SMIM1: variants seen among roughly 807,000 people sequenced by gnomAD.
SMIM1 encodes the protein small integral membrane protein 1 (Vel blood group), also known as small integral membrane protein 1.
SMIM1 carries 7 observed loss-of-function variants against 7.7 expected under a neutral mutation model. The ratio of observed to expected loss-of-function variants is 0.91; its 90% CI spans 0.52 to 1.71. The LOEUF (loss-of-function observed/expected upper bound fraction) is 1.71. Among genes scored for constraint, SMIM1 ranks in the 40% most tolerant of loss-of-function variants. The probability of loss-of-function intolerance (pLI) is 0.00; values close to 1 mark genes in which losing one functional copy is unlikely to be tolerated. For missense variants in SMIM1, 95 were observed against 102.8 expected, an observed-to-expected ratio of 0.92 and a Z score of 0.33; for synonymous variants, 41 against 42.7, an observed-to-expected ratio of 0.96 and a Z score of 0.16.
chr1:3,774,407 T>C (rs1570729405), intron 2 of SMIM1, among the ~76,000 whole-genome samples: 1 of 151,502 alleles, frequency 6.6e-6, no homozygotes, highest in African/African-American at 2.4e-5. Flanking sequence ...GTAAAGGAGG[T>C]GCTTAGAGTC....
rs1473326895 is a variant in SMIM1, at chr1:3,775,380, C to T, written c.7C>T (p.Pro3Ser). 1 of 1,549,688 alleles carries T rather than the reference C, an allele frequency of 6.5e-7. No homozygotes were observed. Among genetic ancestry groups the T allele is most frequent in the Admixed American group, 2.0e-5 (1 of 50,938 alleles). MQ[P>S]QESHVHYSRW... ...CCCGCTGCAGCCCCACAGCATGCAG[C>T]CCCAGGAGAGCCACGTCCACTATAG... The change falls in exon 3 of 4, where the codon CCC (proline) becomes TCC (serine). Residue 3 changes from proline (P) to serine (S), a missense_variant. Pro to Ser is a moderately conservative substitution (Grantham distance 74, BLOSUM62 -1). Coordinates refer to ENST00000642557, the MANE Select transcript of SMIM1 (RefSeq NM_001288583.2). The surrounding 1 kb of genome is among the most constrained non-coding windows in gnomAD (Gnocchi z 5.3).
At position 3,775,599 on chromosome 1, in the gene SMIM1, C is replaced by T. The variant is rs941270214; in HGVS notation, c.110+116C>T. 46 of 1,276,060 alleles carry T rather than the reference C, an allele frequency of 3.6e-5. No homozygotes were observed. Among genetic ancestry groups the T allele is most frequent in the Admixed American group, 1.8e-4 (7 of 39,602 alleles). The allele number at this position is 1,276,060 out of a possible 1,614,324, so 79.0% of individuals were successfully genotyped here. ...CCCTCCACCCCATCCTGGCTGGGAG[C>T]CCACGGTCCAGCAGCTCAGCAAACC... On this transcript the variant is annotated intron_variant, in intron 3 of 3. Coordinates refer to ENST00000642557, the MANE Select transcript of SMIM1 (RefSeq NM_001288583.2). The surrounding 1 kb of genome is among the most constrained non-coding windows in gnomAD (Gnocchi z 5.3).
rs539609932 is a variant in SMIM1 at position 3,774,837 on chromosome 1, C to T, written c.-75-462C>T. ...CAGACAGGGACCGGTCTAGCTGTACCAGCCGCTGCCCCGGACCTGCTGCCC... is the reference window on the plus strand; with the variant it reads ...CAGACAGGGACCGGTCTAGCTGTACTAGCCGCTGCCCCGGACCTGCTGCCC... On this transcript the variant is annotated intron_variant, in intron 2 of 3. Transcript: ENST00000642557. Among the ~76,000 whole-genome samples the T allele has an allele frequency of 4.7e-3, 718 of 151,834 alleles. 6 individuals carry two copies. Among genetic ancestry groups the T allele is most frequent in the African/African-American group, 0.016 (663 of 41,384 alleles).
chr1:3,774,048 G>C (rs1041472478), intron 2 of SMIM1, among the ~76,000 whole-genome samples: 1 of 150,946 alleles, frequency 6.6e-6, no homozygotes, highest in Non-Finnish European at 1.5e-5. Flanking sequence ...GGAAGTGCCG[G>C]GAGTCTCAGA....
Position 3,775,581 on chromosome 1 carries a change from C to A in SMIM1, c.110+98C>A. 7.7e-7 allele frequency: 1 copy of A among 1,299,120 alleles called. No homozygotes were observed. The highest frequency in any genetic ancestry group is 2.5e-5 in the East Asian group (1 of 39,392). The allele number at this position is 1,299,120 out of a possible 1,614,324, so 80.5% of individuals were successfully genotyped here. A position where few individuals can be genotyped will look rare whatever the true frequency, so the allele number is the denominator to read the frequency against. ...CTGCTACCGGCCCCATCACCCTCCACCCCATCCTGGCTGGGAGCCCACGGT... is the reference window on the plus strand; with the variant it reads ...CTGCTACCGGCCCCATCACCCTCCAACCCATCCTGGCTGGGAGCCCACGGT... On this transcript the variant is annotated intron_variant, in intron 3 of 3. Transcript: ENST00000642557. This position sits in a 1 kb window ranked among gnomAD's most constrained non-coding sequence, Gnocchi z 5.3.
intron 2 of SMIM1, among the ~76,000 whole-genome samples, 153 bp downstream of exon 2, chr1:3,773,334 C>G (rs531378479): frequency 2.0e-5 from 3 of 152,236 alleles, no homozygotes; most frequent in African/African-American, 4.8e-5. Context: ...GGGTTCCTGC[C>G]GCCACACCTG....
In SMIM1 at chr1:3,775,271, T is replaced by A; in HGVS notation, c.-75-28T>A. On this transcript the variant is annotated intron_variant, in intron 2 of 3. Coordinates refer to ENST00000642557, the MANE Select transcript of SMIM1 (RefSeq NM_001288583.2). This position sits in a 1 kb window ranked among gnomAD's most constrained non-coding sequence, Gnocchi z 5.3. ...CAGCAGCCTCAGAGGGGGTCTTGAC[T>A]GCCGCCCTCCATCCGCTTGTTTTAC... 1 of 827,772 alleles carries A rather than the reference T, an allele frequency of 1.2e-6. No individual in the cohort carries two copies. The highest frequency in any genetic ancestry group is 1.7e-5 in the South Asian group (1 of 57,718). 51.3% of individuals were successfully genotyped at this position (827,772 alleles called of 1,614,324 possible).
Position 3,775,587 on chromosome 1 carries a change from C to T in SMIM1, c.110+104C>T, listed in dbSNP as rs2124604822. On this transcript the variant is annotated intron_variant, in intron 3 of 3. Transcript: ENST00000642557. The surrounding 1 kb of genome is among the most constrained non-coding windows in gnomAD (Gnocchi z 5.3). Reference sequence around the variant, plus strand: ...CCGGCCCCATCACCCTCCACCCCATCCTGGCTGGGAGCCCACGGTCCAGCA... The same window carrying T: ...CCGGCCCCATCACCCTCCACCCCATTCTGGCTGGGAGCCCACGGTCCAGCA... 6.2e-6 allele frequency: 8 copies of T among 1,294,908 alleles called. No homozygotes were observed. Among genetic ancestry groups the T allele is most frequent in the Non-Finnish European group, 8.4e-6 (8 of 952,108 alleles). 80.2% of individuals were successfully genotyped at this position (1,294,908 alleles called of 1,614,324 possible).
At chr1:3,774,587 C>A (rs921477257) in intron 2 of SMIM1, among the ~76,000 whole-genome samples, 3 of 152,308 alleles carry the variant, frequency 2.0e-5, no homozygotes, top group Admixed American at 2.0e-4. Flanking sequence ...AGGGAGCTGG[C>A]CTTGGGGCCG....
Position 3,775,323 on chromosome 1 carries a change from C to G in SMIM1, c.-51C>G. 2 of 1,435,340 alleles carry G rather than the reference C, an allele frequency of 1.4e-6. No homozygotes were observed. Among genetic ancestry groups the G allele is most frequent in the Non-Finnish European group, 1.9e-6 (2 of 1,057,110 alleles). The allele number at this position is 1,435,340 out of a possible 1,614,324, so 88.9% of individuals were successfully genotyped here. A position where few individuals can be genotyped will look rare whatever the true frequency, so the allele number is the denominator to read the frequency against. ...GTGAAGCCACAGCCTGGCCACCTGTCTTGATCTCCCCACCGAGAAGGCCCC... is the reference window on the plus strand; with the variant it reads ...GTGAAGCCACAGCCTGGCCACCTGTGTTGATCTCCCCACCGAGAAGGCCCC... On this transcript the variant is annotated 5_prime_UTR_variant, in exon 3 of 4. Transcript: ENST00000642557. The surrounding 1 kb of genome is among the most constrained non-coding windows in gnomAD (Gnocchi z 5.3).
At position 3,775,474 on chromosome 1, in the gene SMIM1, G is replaced by A. The variant is rs1016639930; in HGVS notation, c.101G>A (p.Arg34His). The A allele has an allele frequency of 9.0e-6, 14 of 1,549,470 alleles. No individual in the cohort carries two copies. Among genetic ancestry groups the A allele is most frequent in the Middle Eastern group, 1.7e-4 (1 of 5,880 alleles). Residue 34 changes from arginine (R) to histidine (H), a missense_variant, in exon 3 of 4, where the codon CGC (arginine) becomes CAC (histidine). Transcript: ENST00000642557. The surrounding 1 kb of genome is among the most constrained non-coding windows in gnomAD (Gnocchi z 5.3). Reference protein sequence around the residue: ...GAVSSTEEASRCRRISQRLCT... With the variant: ...GAVSSTEEASHCRRISQRLCT... ...GTGTCCAGCACAGAAGAGGCCTCAC[G>A]CTGCCGCAGGTGAGGGGCCTGAGGG... is the stretch of plus-strand genomic sequence containing the variant.
rs1643447670 is a variant in SMIM1, at chr1:3,775,699, C to G, written c.111-96C>G. The G allele has an allele frequency of 2.7e-6, 4 of 1,463,872 alleles. No homozygotes were observed. In the South Asian group the frequency reaches 5.5e-5, roughly 20 times the overall value. 90.7% of individuals were successfully genotyped at this position (1,463,872 alleles called of 1,614,324 possible). A position where few individuals can be genotyped will look rare whatever the true frequency, so the allele number is the denominator to read the frequency against. Reference sequence around the variant, plus strand: ...CTTGACTCCAGCAGAGCGCCCAGGCCCCTCCCCCTGACCCAGACCAACGGC... The same window carrying G: ...CTTGACTCCAGCAGAGCGCCCAGGCGCCTCCCCCTGACCCAGACCAACGGC... On this transcript the variant is annotated intron_variant, in intron 3 of 3. Coordinates refer to ENST00000642557, the MANE Select transcript of SMIM1 (RefSeq NM_001288583.2). This position sits in a 1 kb window ranked among gnomAD's most constrained non-coding sequence, Gnocchi z 5.3.
chr1:3,775,248 G>A lies in SMIM1; in HGVS notation c.-75-51G>A. The A allele has an allele frequency of 1.5e-6, 1 of 648,934 alleles. No homozygotes were observed. The highest frequency in any genetic ancestry group is 2.9e-5 in the East Asian group (1 of 34,984). 40.2% of individuals were successfully genotyped at this position (648,934 alleles called of 1,614,324 possible). ...GACCCTTAGTGCCCCTCTCCTAACA[G>A]CAGCCTCAGAGGGGGTCTTGACTGC... On this transcript the variant is annotated intron_variant, in intron 2 of 3. Transcript: ENST00000642557. The surrounding 1 kb of genome is among the most constrained non-coding windows in gnomAD (Gnocchi z 5.3).
Position 3,775,228 on chromosome 1 carries a change from T to C in SMIM1, c.-75-71T>C. 3.4e-6 allele frequency: 2 copies of C among 586,772 alleles called. No individual in the cohort carries two copies. The highest frequency in any genetic ancestry group is 5.9e-5 in the East Asian group (2 of 34,138). 36.3% of individuals were successfully genotyped at this position (586,772 alleles called of 1,614,324 possible). Reference sequence around the variant, plus strand: ...CGGTGAGGGAGTCAGCCCCCGACCCTTAGTGCCCCTCTCCTAACAGCAGCC... The same window carrying C: ...CGGTGAGGGAGTCAGCCCCCGACCCCTAGTGCCCCTCTCCTAACAGCAGCC... On this transcript the variant is annotated intron_variant, in intron 2 of 3. Transcript: ENST00000642557. This position sits in a 1 kb window ranked among gnomAD's most constrained non-coding sequence, Gnocchi z 5.3.
Position 3,775,781 on chromosome 1 carries a change from G to A in SMIM1, c.111-14G>A. The A allele has an allele frequency of 6.5e-7, 1 of 1,548,636 alleles. No homozygotes were observed. Among genetic ancestry groups the A allele is most frequent in the South Asian group, 1.2e-5 (1 of 84,002 alleles). ...CCTGGCCTGGGGCTCACCTCCAGTT[G>A]GTTCTCACCCCAGGATCTCCCAGAG... On this transcript the variant is annotated splice_polypyrimidine_tract_variant and intron_variant, in intron 3 of 3. Transcript: ENST00000642557. This position sits in a 1 kb window ranked among gnomAD's most constrained non-coding sequence, Gnocchi z 5.3.
At chr1:3,774,001 C>A (rs570319887) in intron 2 of SMIM1, among the ~76,000 whole-genome samples, 37 of 152,190 alleles carry the variant, frequency 2.4e-4, no homozygotes, top group African/African-American at 8.9e-4. Context: ...TGAGACAGCT[C>A]CTTCTGCCTC....
At chr1:3,772,838 G>C (rs1643399044) in intron 1 of SMIM1, 50 bp downstream of exon 1, 1 of 152,680 alleles carries the variant, frequency 6.5e-6, no homozygotes, top group Admixed American at 6.5e-5. Flanking sequence ...GCCGCAGTGG[G>C]CAGGTGCGAC....
chr1:3,773,640 A>C (rs1643415664), intron 2 of SMIM1, among the ~76,000 whole-genome samples: 1 of 152,130 alleles, frequency 6.6e-6, no homozygotes, highest in Non-Finnish European at 1.5e-5. Flanking sequence ...CATCACGTCG[A>C]GTCTGGAAGA....
At position 3,775,843 on chromosome 1, in the gene SMIM1, G is replaced by A; in HGVS notation, c.159G>A (p.Val53=). The change falls in exon 4 of 4, where the codon GTG becomes GTA. Residue 53 remains valine, a synonymous_variant. Transcript: ENST00000642557. The surrounding 1 kb of genome is among the most constrained non-coding windows in gnomAD (Gnocchi z 5.3). ...CTGKLGIAMK[V]LGGVALFWII... ...GCAAGCTGGGCATCGCCATGAAGGT[G>A]CTGGGCGGCGTGGCCCTCTTCTGGA... 1 of 1,550,962 alleles carries A rather than the reference G, an allele frequency of 6.4e-7. No homozygotes were observed. Among genetic ancestry groups the A allele is most frequent in the South Asian group, 1.2e-5 (1 of 84,058 alleles).
Sources: gnomAD v4.1 joint callset for allele counts (sites outside exome capture counted in the v4.1 genomes callset) on GRCh38, gnomAD v4.1.1 for gene constraint, Gnocchi (gnomAD v3.1) non-coding constraint, MANE v1.5 for transcripts, NCBI Gene and HGNC (gene_info 2026-07-23, HGNC 2026-07-21) for gene names.